Variants in B4GALT2 observed in about 807,000 individuals in gnomAD.
B4GALT2 encodes the protein N-acetyllactosamine synthase.
Under a neutral mutation model 33.2 loss-of-function variants are expected in B4GALT2, and 18 were observed. The ratio of observed to expected loss-of-function variants is 0.54; its 90% CI spans 0.38 to 0.80. The LOEUF (loss-of-function observed/expected upper bound fraction) is 0.80, where lower values mean the gene tolerates loss of function less well. B4GALT2 is among the 30% of genes least tolerant of loss of function. The pLI, the probability that B4GALT2 is intolerant of heterozygous loss-of-function variation, is 0.00. For missense variants in B4GALT2, 404 were observed against 526.2 expected, an observed-to-expected ratio of 0.77 and a Z score of 2.27; for synonymous variants, 214 against 217.6, an observed-to-expected ratio of 0.98 and a Z score of 0.15.
chr1:43,990,325 G>T lies in B4GALT2; in HGVS notation c.996G>T (p.Leu332=). The T allele has an allele frequency of 1.9e-6, 3 of 1,614,206 alleles. No individual in the cohort carries two copies. Among genetic ancestry groups the T allele is most frequent in the Non-Finnish European group, 2.5e-6 (3 of 1,180,036 alleles). ...QRFTKIQNTK[L]TMKRDGIGSV... ...TTACCAAGATTCAAAACACGAAGCT[G>T]ACCATGAAGCGGGACGGCATTGGGT... is the stretch of plus-strand genomic sequence containing the variant. The change falls in exon 7 of 7, where the codon CTG becomes CTT. Residue 332 remains leucine (L), a synonymous_variant. Transcript: ENST00000372324.
At chr1:43,990,203 C>A in intron 6 of B4GALT2, 95 bp from the exon 7 acceptor site, 1 of 1,515,366 alleles carries the variant, frequency 6.6e-7, no homozygotes, top group Non-Finnish European at 9.0e-7. Flanking sequence ...TCCCCTTGGC[C>A]AAAAGGGGGT....
At chr1:43,980,693 C>A in intron 1 of B4GALT2, 1 of 709,752 alleles carries the variant, frequency 1.4e-6, no homozygotes, top group Non-Finnish European at 1.8e-6. Context: ...TGTGAGGTGT[C>A]TGTTCTCAGG....
Position 43,981,440 on chromosome 1 carries a change from C to T in B4GALT2, c.280C>T (p.Leu94=). Residue 94 remains leucine (L), a synonymous_variant, in exon 2 of 7, where the codon CTG becomes TTG. Transcript: ENST00000372324. This position sits in a 1 kb window ranked among gnomAD's most constrained non-coding sequence, Gnocchi z 8.1. ...SALPGPTAPT[L]PPCPDSPPGL... ...CCTGCCCGGTCCCACGGCTCCCACG[C>T]TGCCACCCTGTCCTGACTCGCCACC... The T allele has an allele frequency of 6.3e-7, 1 of 1,591,920 alleles. No individual in the cohort carries two copies. The highest frequency in any genetic ancestry group is 8.5e-7 in the Non-Finnish European group (1 of 1,174,906).
In B4GALT2 at chr1:43,981,986, G is replaced by A. The variant is rs1056933233; in HGVS notation, c.549+62G>A. On this transcript the variant is annotated intron_variant, in intron 3 of 6. Transcript: ENST00000372324. This position sits in a 1 kb window ranked among gnomAD's most constrained non-coding sequence, Gnocchi z 8.1. ...ATATGTGGGTTGGGGGCGTTTGTGG[G>A]TCCTTGTCTGCCCGTGTGGATATGT... The A allele has an allele frequency of 3.7e-5, 57 of 1,523,580 alleles. No homozygotes were observed. The highest frequency in any genetic ancestry group is 5.0e-5 in the Non-Finnish European group (56 of 1,110,876). The allele number at this position is 1,523,580 out of a possible 1,614,324, so 94.4% of individuals were successfully genotyped here.
At position 43,981,334 on chromosome 1, in the gene B4GALT2, T is replaced by TAGC. The variant is rs551490191; in HGVS notation, c.194_196dup (p.Ser65dup). 2.5e-4 allele frequency: 397 copies of TAGC among 1,601,402 alleles called. No homozygotes were observed. Among genetic ancestry groups the TAGC allele is most frequent in the East Asian group, 1.3e-3 (57 of 44,862 alleles). On this transcript the variant is annotated inframe_insertion, in exon 2 of 7. Coordinates refer to ENST00000372324, the MANE Select transcript of B4GALT2 (RefSeq NM_003780.5). This position sits in a 1 kb window ranked among gnomAD's most constrained non-coding sequence, Gnocchi z 8.1. ...CTGCCCATGCCCTCCACCCAGCTGC[T>TAGC]AGCAGCAGCAGCAGCAGCAGCAACT...
chr1:43,990,658 C>G lies in B4GALT2; in HGVS notation c.*210C>G, dbSNP rs564071094. ...GGGCAGGCTCTTCAAGTGTGGCCCT[C>G]TTTGGAGTCAACCCTCCTTCCCGAC... On this transcript the variant is annotated 3_prime_UTR_variant, in exon 7 of 7. Transcript: ENST00000372324. 7.6e-6 allele frequency: 5 copies of G among 657,304 alleles called. No individual in the cohort carries two copies. In the African/African-American group the frequency reaches 9.1e-5, roughly 12 times the overall value. 40.7% of individuals were successfully genotyped at this position (657,304 alleles called of 1,614,324 possible).
At position 43,990,502 on chromosome 1, in the gene B4GALT2, A is replaced by C; in HGVS notation, c.*54A>C. ...AAGATTGCCTGCCAGAGGACTGACC[A>C]CAGCCTGGCTGGCAGCTGCTCTGTG... On this transcript the variant is annotated 3_prime_UTR_variant, in exon 7 of 7. Transcript: ENST00000372324. 6.2e-7 allele frequency: 1 copy of C among 1,605,910 alleles called. No individual in the cohort carries two copies. The highest frequency in any genetic ancestry group is 8.5e-7 in the Non-Finnish European group (1 of 1,174,956).
intron 4 of B4GALT2, 70 bp from the exon 5 acceptor site, chr1:43,985,208 A>G: frequency 6.4e-7 from 1 of 1,569,242 alleles, no homozygotes; most frequent in Non-Finnish European, 8.7e-7. Context: ...ATTCCCCCCG[A>G]CCTGGTCTCT....
chr1:43,981,696 A>G lies in B4GALT2; in HGVS notation c.321A>G (p.Arg107=). 6.2e-7 allele frequency: 1 copy of G among 1,608,986 alleles called. No individual in the cohort carries two copies. The highest frequency in any genetic ancestry group is 8.5e-7 in the Non-Finnish European group (1 of 1,177,258). ...CPDSPPGLVG[R]LLIEFTSPMP... ...ACACTGTCCTGTCTGCAGTGGGCAG[A>G]CTGCTGATCGAGTTCACCTCACCCA... is the stretch of plus-strand genomic sequence containing the variant. Residue 107 remains arginine, a synonymous_variant, in exon 3 of 7, where the codon AGA becomes AGG. Coordinates refer to ENST00000372324, the MANE Select transcript of B4GALT2 (RefSeq NM_003780.5). This position sits in a 1 kb window ranked among gnomAD's most constrained non-coding sequence, Gnocchi z 8.1.
Position 43,981,358 on chromosome 1 carries a change from C to T in B4GALT2, c.198C>T (p.Asn66=). Residue 66 remains asparagine (N), a synonymous_variant, in exon 2 of 7, where the codon AAC becomes AAT. Coordinates refer to ENST00000372324, the MANE Select transcript of B4GALT2 (RefSeq NM_003780.5). The surrounding 1 kb of genome is among the most constrained non-coding windows in gnomAD (Gnocchi z 8.1). The part of the protein sequence containing the change: ...PAASSSSSSS[N]CSRPNATASS... ...CTAGCAGCAGCAGCAGCAGCAGCAACTGCTCCCGGCCCAACGCCACCGCCT... is the reference window on the plus strand; with the variant it reads ...CTAGCAGCAGCAGCAGCAGCAGCAATTGCTCCCGGCCCAACGCCACCGCCT... The T allele has an allele frequency of 6.9e-6, 11 of 1,599,644 alleles. No individual in the cohort carries two copies. The highest frequency in any genetic ancestry group is 9.3e-6 in the Non-Finnish European group (11 of 1,179,836).
At position 43,979,938 on chromosome 1, in the gene B4GALT2, A is replaced by T. The variant is rs1476588608; in HGVS notation, c.-53+427A>T. 7 of 1,512,564 alleles carry T rather than the reference A, an allele frequency of 4.6e-6. No homozygotes were observed. The highest frequency in any genetic ancestry group is 6.2e-6 in the Non-Finnish European group (7 of 1,130,668). The allele number at this position is 1,512,564 out of a possible 1,614,324, so 93.7% of individuals were successfully genotyped here. ...CAGCCTGGCCGCCAGCCTGACCCAG[A>T]ACCCCTGCGCCGGAGGGAGGGTGGG... On this transcript the variant is annotated intron_variant, in intron 1 of 6. Transcript: ENST00000372324. The surrounding 1 kb of genome is among the most constrained non-coding windows in gnomAD (Gnocchi z 4.8).
chr1:43,985,680 C>A lies in B4GALT2; in HGVS notation c.968+59C>A. 1.9e-6 allele frequency: 3 copies of A among 1,542,084 alleles called. No individual in the cohort carries two copies. In the Admixed American group the frequency reaches 5.0e-5, roughly 26 times the overall value. ...AGGCAACTTCCCAATATCCCCAACT[C>A]TTGACCCCAAGTGGCCCAATCCCTG... is the stretch of plus-strand genomic sequence containing the variant. On this transcript the variant is annotated intron_variant, in intron 6 of 6. Coordinates refer to ENST00000372324, the MANE Select transcript of B4GALT2 (RefSeq NM_003780.5).
Position 43,984,836 on chromosome 1 carries a change from A to G in B4GALT2, c.550-29A>G, listed in dbSNP as rs372930794. The G allele has an allele frequency of 2.4e-5, 39 of 1,605,668 alleles. No individual in the cohort carries two copies. Among genetic ancestry groups the G allele is most frequent in the East Asian group, 1.1e-4 (5 of 44,696 alleles). ...GCAGGTGCTTGTTGGTCACAGGCCC[A>G]GGGTTGACCTGCTCCTCCCCCTACC... On this transcript the variant is annotated intron_variant, in intron 3 of 6. Coordinates refer to ENST00000372324, the MANE Select transcript of B4GALT2 (RefSeq NM_003780.5). This position sits in a 1 kb window ranked among gnomAD's most constrained non-coding sequence, Gnocchi z 5.6.
rs1389133162 is a variant in B4GALT2 at position 43,979,244 on chromosome 1, G to A, written c.-320G>A. 1 of 146,382 alleles carries A rather than the reference G, an allele frequency of 6.8e-6. No individual in the cohort carries two copies. Among genetic ancestry groups the A allele is most frequent in the Admixed American group, 6.8e-5 (1 of 14,710 alleles). 9.1% of individuals were successfully genotyped at this position (146,382 alleles called of 1,614,324 possible). A position where few individuals can be genotyped will look rare whatever the true frequency, so the allele number is the denominator to read the frequency against. ...AGGCGCCGTAGCGCGGGAGGGAGGC[G>A]GCGGCGCTGTGGTCCGTGGGTCCGC... On this transcript the variant is annotated 5_prime_UTR_variant, in exon 1 of 7. Transcript: ENST00000372324. This position sits in a 1 kb window ranked among gnomAD's most constrained non-coding sequence, Gnocchi z 4.8.
At position 43,986,968 on chromosome 1, in the gene B4GALT2, G is replaced by A. The variant is rs189254764; in HGVS notation, c.968+1347G>A. ...AGGAGGGTTTTTCTACTCTGAACAC[G>A]GGGTAGGAGTGGGGGAGGTGGTTTG... On this transcript the variant is annotated intron_variant, in intron 6 of 6. Coordinates refer to ENST00000372324, the MANE Select transcript of B4GALT2 (RefSeq NM_003780.5). Among the ~76,000 whole-genome samples the A allele has an allele frequency of 3.0e-3, 459 of 152,270 alleles. 12 individuals carry two copies. Among genetic ancestry groups the A allele is most frequent in the Admixed American group, 0.028 (422 of 15,296 alleles).
intron 1 of B4GALT2, 149 bp from the exon 2 acceptor site, chr1:43,980,960 A>T: frequency 8.8e-7 from 1 of 1,132,122 alleles, no homozygotes; most frequent in Non-Finnish European, 1.2e-6. Flanking sequence ...GTTTGGAGGT[A>T]AATTCTTGAG....
intron 5 of B4GALT2, 58 bp downstream of exon 5, chr1:43,985,458 TG>T: frequency 1.1e-6 from 1 of 918,096 alleles, no homozygotes; most frequent in Non-Finnish European, 1.7e-6. Context: ...GGGTGCAGAC[TG>T]GGTGGGGTTC....
chr1:43,989,756 T>A (rs2085703788), intron 6 of B4GALT2, among the ~76,000 whole-genome samples: 1 of 152,260 alleles, frequency 6.6e-6, no homozygotes, highest in African/African-American at 2.4e-5. Context: ...ATCAGTCTCT[T>A]GTCCCACCAA....
intron 6 of B4GALT2, among the ~76,000 whole-genome samples, chr1:43,988,023 C>A (rs1436000745): frequency 6.6e-6 from 1 of 152,206 alleles, no homozygotes; most frequent in Non-Finnish European, 1.5e-5. Context: ...AGATGAAGGA[C>A]CCCACCTGTC....
Sources: allele counts gnomAD v4.1 joint callset (sites outside exome capture counted in the v4.1 genomes callset), GRCh38; gene constraint gnomAD v4.1.1; non-coding constraint Gnocchi (gnomAD v3.1); transcripts MANE v1.5; gene names NCBI Gene and HGNC (gene_info 2026-07-23, HGNC 2026-07-21).